The following UVRAG variants were observed in gnomAD, a reference collection of about 807,000 sequenced individuals.
UVRAG encodes UV radiation resistance associated.
In UVRAG, 19 loss-of-function variants were observed where a neutral mutation model predicts 78.0. That is an observed-to-expected ratio of 0.24 (90% CI 0.17 to 0.36). The LOEUF (loss-of-function observed/expected upper bound fraction) is 0.36, where lower values mean the gene tolerates loss of function less well. Ranked by LOEUF, UVRAG falls within the 10% of genes least tolerant of loss-of-function variation. The probability of loss-of-function intolerance (pLI) is 1.00; values close to 1 mark genes in which losing one functional copy is unlikely to be tolerated. For missense variants in UVRAG, 740 were observed against 853.8 expected, an observed-to-expected ratio of 0.87 and a Z score of 1.66; for synonymous variants, 323 against 324.6, an observed-to-expected ratio of 1.00 and a Z score of 0.05.
At chr11:75,939,735 G>T (rs1156549991) in intron 6 of UVRAG, among the ~76,000 whole-genome samples, 2 of 152,094 alleles carry the variant, frequency 1.3e-5, no homozygotes, top group Non-Finnish European at 1.5e-5. Context: ...AGGTCCAACG[G>T]GATGAAAAGG....
chr11:76,110,205 C>A (rs547775958), intron 13 of UVRAG, among the ~76,000 whole-genome samples: 1 of 124,206 alleles, frequency 8.1e-6, no homozygotes, highest in South Asian at 2.3e-4. Context: ...ATATATATAT[C>A]TGGTACATAT....
intron 6 of UVRAG, among the ~76,000 whole-genome samples, chr11:75,958,075 C>G (rs1440861193): frequency 2.6e-5 from 4 of 152,318 alleles, no homozygotes; most frequent in African/African-American, 4.8e-5. Context: ...CTAAAAAATG[C>G]TAACGATCAT....
intron 3 of UVRAG, 61 bp from the exon 4 acceptor site, chr11:75,879,818 A>C (rs1946897594): frequency 1.1e-5 from 17 of 1,560,528 alleles, no homozygotes; most frequent in Non-Finnish European, 1.4e-5. Context: ...TTTGTCACCT[A>C]ATTGAAATAA....
intron 13 of UVRAG, among the ~76,000 whole-genome samples, chr11:76,071,275 G>A (rs1418613990): frequency 6.6e-6 from 1 of 152,150 alleles, no homozygotes; most frequent in Non-Finnish European, 1.5e-5. Flanking sequence ...ATGATGACAA[G>A]GAACTAGCCA....
chr11:76,098,787 C>T (rs979568570), intron 13 of UVRAG, among the ~76,000 whole-genome samples: 2 of 152,014 alleles, frequency 1.3e-5, no homozygotes, highest in Non-Finnish European at 2.9e-5. Context: ...TTTTTTCGTA[C>T]CCCCAACACA....
chr11:75,926,386 G>C (rs1424346829), intron 6 of UVRAG, among the ~76,000 whole-genome samples: 2 of 152,164 alleles, frequency 1.3e-5, no homozygotes, highest in African/African-American at 4.8e-5. Context: ...ATGTCATAGA[G>C]GAAAATGACT....
intron 12 of UVRAG, among the ~76,000 whole-genome samples, chr11:76,021,940 G>T (rs928352937): frequency 5.3e-5 from 8 of 152,118 alleles, no homozygotes; most frequent in Non-Finnish European, 1.0e-4. Context: ...TATAGTCCCA[G>T]CTACTCAAGA....
chr11:75,820,262 G>A (rs974391396), intron 1 of UVRAG, among the ~76,000 whole-genome samples: 48 of 152,080 alleles, frequency 3.2e-4, no homozygotes, highest in African/African-American at 1.1e-3. Flanking sequence ...ATAGGCATAA[G>A]CCACTACGCC....
chr11:76,062,553 C>T lies in UVRAG; in HGVS notation c.1227-3157C>T, dbSNP rs1337572216. Among the ~76,000 whole-genome samples the T allele has an allele frequency of 2.0e-5, 3 of 152,196 alleles. No homozygotes were observed. In the East Asian group the frequency reaches 5.8e-4, roughly 29 times the overall value. ...AGTCCTTCATTTGTTGTCCCTGAGA[C>T]TGCTATCCTCCAGGACAAACACCTC... On this transcript the variant is annotated intron_variant, in intron 12 of 14. Transcript: ENST00000356136.
intron 6 of UVRAG, among the ~76,000 whole-genome samples, chr11:75,917,683 T>A (rs1947887955): frequency 6.6e-6 from 1 of 152,212 alleles, no homozygotes; most frequent in African/African-American, 2.4e-5. Flanking sequence ...ATCGCGTTAA[T>A]ACTCCTCTTC....
chr11:75,900,052 G>A (rs550695981), intron 5 of UVRAG, among the ~76,000 whole-genome samples: 117 of 152,232 alleles, frequency 7.7e-4, no homozygotes, highest in Non-Finnish European at 1.4e-3. Flanking sequence ...AAAATGCCAC[G>A]TTTCCTGTTA....
rs60133924 is a variant in UVRAG, at chr11:76,053,344, A to ACACACACAC, written c.1227-12366_1227-12365insCACACACAC. Among the ~76,000 whole-genome samples the ACACACACAC allele has an allele frequency of 7.5e-3, 1,062 of 142,390 alleles. 23 individuals carry two copies. Among genetic ancestry groups the ACACACACAC allele is most frequent in the African/African-American group, 0.026 (973 of 36,850 alleles). 93.4% of individuals were successfully genotyped at this position (142,390 alleles called of 152,430 possible). On this transcript the variant is annotated intron_variant, in intron 12 of 14. Transcript: ENST00000356136. ...ACACACACACACACACACACACACA[A>ACACACACAC]AAATAAATATGCACCTGCTCCTTCT... is the stretch of plus-strand genomic sequence containing the variant.
intron 11 of UVRAG, among the ~76,000 whole-genome samples, chr11:76,014,167 T>C (rs894630968): frequency 3.3e-5 from 5 of 152,238 alleles, no homozygotes; most frequent in Non-Finnish European, 7.3e-5. Context: ...TTTTGGTTAT[T>C]TTAATAGAGA....
intron 3 of UVRAG, among the ~76,000 whole-genome samples, chr11:75,866,815 C>T (rs563413692): frequency 2.6e-5 from 4 of 152,142 alleles, no homozygotes; most frequent in Non-Finnish European, 5.9e-5. Context: ...ATCTAAGTTT[C>T]TGGCTGTAAG....
intron 5 of UVRAG, among the ~76,000 whole-genome samples, chr11:75,898,176 C>G (rs1947392806): frequency 6.6e-6 from 1 of 152,076 alleles, no homozygotes; most frequent in Non-Finnish European, 1.5e-5. Flanking sequence ...GCCCATAGCT[C>G]TTTAATCTTT....
intron 7 of UVRAG, among the ~76,000 whole-genome samples, chr11:75,970,072 A>G (rs1228266420): frequency 6.6e-6 from 1 of 152,238 alleles, no homozygotes; most frequent in African/African-American, 2.4e-5. Context: ...AATGATGAAA[A>G]GTGTATTAGT....
chr11:75,913,035 T>G (rs1170755346), intron 6 of UVRAG, among the ~76,000 whole-genome samples: 1 of 152,172 alleles, frequency 6.6e-6, no homozygotes, highest in African/African-American at 2.4e-5. Context: ...GATTTAGAAA[T>G]TAGAGGGTGG....
intron 12 of UVRAG, among the ~76,000 whole-genome samples, chr11:76,055,004 CT>C (rs2134358792): frequency 1.3e-5 from 2 of 152,322 alleles, no homozygotes; most frequent in African/African-American, 4.8e-5. Context: ...CGTCTTCTCT[CT>C]TTCAAATTTC....
At chr11:76,088,544 C>T (rs1365456667) in intron 13 of UVRAG, among the ~76,000 whole-genome samples, 3 of 146,130 alleles carry the variant, frequency 2.1e-5, no homozygotes, top group Non-Finnish European at 4.5e-5. Context: ...AAAGTCTTCA[C>T]ATGATCTATC....
Sources: gnomAD v4.1 joint callset for allele counts (sites outside exome capture counted in the v4.1 genomes callset) on GRCh38, gnomAD v4.1.1 for gene constraint, MANE v1.5 for transcripts, NCBI Gene and HGNC (gene_info 2026-07-23, HGNC 2026-07-21) for gene names.